The following SCAPER variants were observed in gnomAD, a reference collection of about 807,000 sequenced individuals.
The protein encoded by SCAPER is S-phase cyclin A associated protein in the ER.
In SCAPER, 98 loss-of-function variants were observed where a neutral mutation model predicts 182.2. The ratio of observed to expected loss-of-function variants is 0.54; its 90% CI spans 0.46 to 0.64. The LOEUF (loss-of-function observed/expected upper bound fraction) is 0.64, where lower values mean the gene tolerates loss of function less well. Ranked by LOEUF, SCAPER falls within the 30% of genes least tolerant of loss-of-function variation. SCAPER has a pLI of 0.00. For synonymous variants in SCAPER, 605 were observed against 564.6 expected (o/e 1.07, Z -1.01); for missense variants, 1,432 against 1,690.0 (o/e 0.85, Z 2.68).
At chr15:76,576,472 G>A (rs569098376) in intron 22 of SCAPER, among the ~76,000 whole-genome samples, 4 of 152,234 alleles carry the variant, frequency 2.6e-5, no homozygotes, top group African/African-American at 7.2e-5. Flanking sequence ...TTTGAAAAAC[G>A]CAAAAACTGA....
At chr15:76,511,843 A>ATATATATG (rs151255382) in intron 23 of SCAPER, among the ~76,000 whole-genome samples, 2,900 of 123,004 alleles carry the variant, frequency 0.024, 74 homozygotes, top group African/African-American at 0.064. Flanking sequence ...ATATATATAT[A>ATATATATG]TGTGTGTGTG....
chr15:76,555,474 G>T (rs2046124267), intron 23 of SCAPER, among the ~76,000 whole-genome samples: 1 of 152,158 alleles, frequency 6.6e-6, no homozygotes, highest in African/African-American at 2.4e-5. Flanking sequence ...ACTGCATGCT[G>T]TCTTCAAGAG....
chr15:76,775,399 A>G (rs994211090), intron 8 of SCAPER, among the ~76,000 whole-genome samples: 4 of 152,172 alleles, frequency 2.6e-5, no homozygotes, highest in African/African-American at 9.7e-5. Flanking sequence ...ATGTGTGAGT[A>G]CTGTTTTAAG....
At chr15:76,872,919 T>G (rs2072829774) in intron 2 of SCAPER, among the ~76,000 whole-genome samples, 1 of 151,650 alleles carries the variant, frequency 6.6e-6, no homozygotes, top group Admixed American at 6.6e-5. Context: ...CAGGAAGTGA[T>G]AAAAGTAACA....
chr15:76,515,493 G>A (rs551045977), intron 23 of SCAPER, among the ~76,000 whole-genome samples: 4 of 152,236 alleles, frequency 2.6e-5, no homozygotes, highest in Non-Finnish European at 5.9e-5. Flanking sequence ...GGGACTATGA[G>A]AGCAAAGAAA....
chr15:76,473,448 G>A (rs1342649378), intron 24 of SCAPER, among the ~76,000 whole-genome samples: 3 of 152,230 alleles, frequency 2.0e-5, no homozygotes, highest in African/African-American at 4.8e-5. Context: ...ATTCCTGGAT[G>A]TTTTGAATAC....
intron 20 of SCAPER, among the ~76,000 whole-genome samples, chr15:76,668,899 A>C (rs2056814715): frequency 6.6e-6 from 1 of 152,242 alleles, no homozygotes; most frequent in South Asian, 2.1e-4. Context: ...TGAGCTAAGT[A>C]CTTTATATAA....
intron 18 of SCAPER, among the ~76,000 whole-genome samples, chr15:76,704,347 T>C (rs1232336745): frequency 2.0e-5 from 3 of 152,218 alleles, no homozygotes; most frequent in African/African-American, 7.2e-5. Context: ...TATGTCAATT[T>C]TGGCTTTTGT....
chr15:76,407,255 T>A (rs1465467124), intron 26 of SCAPER, among the ~76,000 whole-genome samples: 1 of 152,220 alleles, frequency 6.6e-6, no homozygotes, highest in Non-Finnish European at 1.5e-5. Flanking sequence ...ATATACAGTA[T>A]GTTACTGCAG....
chr15:76,554,314 T>C (rs1567440221), intron 23 of SCAPER, among the ~76,000 whole-genome samples: 1 of 152,128 alleles, frequency 6.6e-6, no homozygotes, highest in Admixed American at 6.5e-5. Flanking sequence ...ACAAAACCTC[T>C]GAGAAATATG....
chr15:76,707,328 A>G (rs1418429887), intron 17 of SCAPER, among the ~76,000 whole-genome samples: 1 of 152,104 alleles, frequency 6.6e-6, no homozygotes, highest in East Asian at 1.9e-4. Flanking sequence ...TCCAATCAAA[A>G]GGCAGAAATG....
At chr15:76,542,370 A>T (rs1271271747) in intron 23 of SCAPER, among the ~76,000 whole-genome samples, 2 of 151,884 alleles carry the variant, frequency 1.3e-5, no homozygotes, top group East Asian at 3.9e-4. Flanking sequence ...TAAAAATACA[A>T]AAATTAGCTG....
chr15:76,586,786 G>A (rs951944466), intron 22 of SCAPER: 3 of 151,916 alleles, frequency 2.0e-5, no homozygotes, highest in African/African-American at 4.8e-5. Flanking sequence ...GTTCTTTCCT[G>A]GTTTTGGTAT....
At chr15:76,492,332 A>G (rs1340640074) in intron 24 of SCAPER, among the ~76,000 whole-genome samples, 1 of 152,196 alleles carries the variant, frequency 6.6e-6, no homozygotes, top group Non-Finnish European at 1.5e-5. Context: ...AGAAAGTAGA[A>G]TTACTAGTAA....
At chr15:76,731,881 T>C (rs1203777996) in intron 16 of SCAPER, among the ~76,000 whole-genome samples, 1 of 152,230 alleles carries the variant, frequency 6.6e-6, no homozygotes, top group Non-Finnish European at 1.5e-5. Flanking sequence ...TGTTAAAAAT[T>C]GTGAAGTGAG....
chr15:76,724,315 C>T lies in SCAPER; in HGVS notation c.2165+4280G>A, dbSNP rs1256967131. Among the ~76,000 whole-genome samples the T allele has an allele frequency of 2.6e-5, 4 of 152,278 alleles. No individual in the cohort carries two copies. The East Asian group carries it at 7.7e-4, about 29-fold the overall frequency. On this transcript the variant is annotated intron_variant, in intron 17 of 31. Transcript: ENST00000563290. Reference sequence around the variant, plus strand: ...GATCAGCTGTTAGTCTGATGGGCTTCCCTTTGTGGCTAACCCAACCTTTCT... The same window carrying T: ...GATCAGCTGTTAGTCTGATGGGCTTTCCTTTGTGGCTAACCCAACCTTTCT...
chr15:76,597,089 C>A (rs2049568703), intron 22 of SCAPER, among the ~76,000 whole-genome samples: 1 of 122,116 alleles, frequency 8.2e-6, no homozygotes, highest in African/African-American at 2.5e-5. Context: ...TCTCCTTAAG[C>A]TGATAAGCAA....
chr15:76,883,067 A>G (rs1354811736), intron 2 of SCAPER, among the ~76,000 whole-genome samples: 1 of 152,202 alleles, frequency 6.6e-6, no homozygotes, highest in Non-Finnish European at 1.5e-5. Flanking sequence ...ATCAGTAACT[A>G]ATTGAGTAAA....
At chr15:76,730,995 C>T (rs10851889) in intron 16 of SCAPER, among the ~76,000 whole-genome samples, 47,995 of 151,890 alleles carry the variant, frequency 0.32, 7,880 homozygotes, top group East Asian at 0.55. Flanking sequence ...GGTAGCCATA[C>T]AGCTAATGAG....
Sources: allele counts gnomAD v4.1 joint callset (sites outside exome capture counted in the v4.1 genomes callset), GRCh38; gene constraint gnomAD v4.1.1; transcripts MANE v1.5; gene names NCBI Gene and HGNC (gene_info 2026-07-23, HGNC 2026-07-21).